STEAP4: variants seen among roughly 807,000 people sequenced by gnomAD.
The protein encoded by STEAP4 is STEAP4 metalloreductase, also known as metalloreductase STEAP4.
In STEAP4, 36 loss-of-function variants were observed where a neutral mutation model predicts 43.6. The observed-to-expected ratio is 0.83, with a 90% CI of 0.63 to 1.09. The LOEUF (loss-of-function observed/expected upper bound fraction) is 1.09, where lower values mean the gene tolerates loss of function less well. Among genes scored for constraint, STEAP4 ranks in the 50% least tolerant of loss-of-function variants. STEAP4 has a pLI of 0.00. For synonymous variants in STEAP4, 191 were observed against 196.7 expected (o/e 0.97, Z 0.24); for missense variants, 495 against 546.5 (o/e 0.91, Z 0.94).
chr7:88,283,313 T>C, intron 2 of STEAP4, 145 bp from the exon 3 acceptor site: 5 of 886,886 alleles, frequency 5.6e-6, no homozygotes, highest in Non-Finnish European at 8.1e-6. Context: ...TTAACATATG[T>C]AACAAGATGT....
chr7:88,279,734 C>T (rs1586742348), intron 4 of STEAP4, 106 bp from the exon 5 acceptor site: 4 of 934,688 alleles, frequency 4.3e-6, no homozygotes, highest in Non-Finnish European at 6.4e-6. Flanking sequence ...ACATTTGAGA[C>T]CTATAATGTT....
In STEAP4 at chr7:88,281,097, C is replaced by G; in HGVS notation, c.985-18G>C. ...AGTATTGCCTAAGAAAAATTATAAG[C>G]AATTACAAAACTACATTTTTACAAA... On this transcript the variant is annotated intron_variant, in intron 3 of 4. Coordinates refer to ENST00000380079, the MANE Select transcript of STEAP4 (RefSeq NM_024636.4). 1.3e-6 allele frequency: 2 copies of G among 1,527,038 alleles called. No homozygotes were observed. Among genetic ancestry groups the G allele is most frequent in the Non-Finnish European group, 1.8e-6 (2 of 1,140,112 alleles). 94.6% of individuals were successfully genotyped at this position (1,527,038 alleles called of 1,614,324 possible).
At chr7:88,297,717 G>C (rs925800017) in intron 1 of STEAP4, among the ~76,000 whole-genome samples, 2 of 152,020 alleles carry the variant, frequency 1.3e-5, no homozygotes, top group Admixed American at 6.6e-5. Context: ...TTCCAGGCAG[G>C]GGGGAAAGTG....
chr7:88,305,646 A>T (rs75031105), intron 1 of STEAP4, among the ~76,000 whole-genome samples: 3,052 of 152,316 alleles, frequency 0.02, 62 homozygotes, highest in South Asian at 0.062. Context: ...TTCCCCCGAC[A>T]ACTGGAGAGT....
intron 1 of STEAP4, among the ~76,000 whole-genome samples, chr7:88,290,603 A>AC (rs1852819201): frequency 6.6e-6 from 1 of 152,196 alleles, no homozygotes; most frequent in African/African-American, 2.4e-5. Flanking sequence ...CTTTCAAAAA[A>AC]ATTTCTAAGT....
At chr7:88,303,554 G>A (rs1351404567) in intron 1 of STEAP4, among the ~76,000 whole-genome samples, 1 of 150,964 alleles carries the variant, frequency 6.6e-6, no homozygotes, top group South Asian at 2.1e-4. Flanking sequence ...GACTGCCAAA[G>A]TACAGTACAG....
At chr7:88,293,287 T>G (rs1279419276) in intron 1 of STEAP4, among the ~76,000 whole-genome samples, 1 of 152,204 alleles carries the variant, frequency 6.6e-6, no homozygotes, top group Non-Finnish European at 1.5e-5. Context: ...GTATTTTGCT[T>G]ATTTTCTAAT....
intron 1 of STEAP4, among the ~76,000 whole-genome samples, chr7:88,285,579 G>A (rs1461440966): frequency 1.3e-5 from 2 of 151,812 alleles, no homozygotes; most frequent in Admixed American, 1.3e-4. Context: ...ACTTTGGGAG[G>A]CCAAGGCAGG....
chr7:88,297,851 A>C (rs1180378950), intron 1 of STEAP4, among the ~76,000 whole-genome samples: 1 of 152,208 alleles, frequency 6.6e-6, no homozygotes, highest in South Asian at 2.1e-4. Flanking sequence ...ATTGTGACAG[A>C]AATGCAGTTT....
intron 1 of STEAP4, among the ~76,000 whole-genome samples, chr7:88,296,134 C>T (rs1339545311): frequency 1.3e-5 from 2 of 152,154 alleles, no homozygotes; most frequent in East Asian, 3.8e-4. Flanking sequence ...ATAATTTGAT[C>T]AGATCTACTT....
intron 1 of STEAP4, among the ~76,000 whole-genome samples, chr7:88,293,288 A>G (rs1480750916): frequency 6.6e-6 from 1 of 151,600 alleles, no homozygotes; most frequent in Non-Finnish European, 1.5e-5. Flanking sequence ...TATTTTGCTT[A>G]TTTTCTAATT....
rs752528200 is a variant in STEAP4, at chr7:88,280,992, G to GA, written c.1071dup (p.Leu358SerfsTer14). On this transcript the variant is annotated frameshift_variant, in exon 4 of 5. Coordinates refer to ENST00000380079, the MANE Select transcript of STEAP4 (RefSeq NM_024636.4). LOFTEE classifies it high-confidence loss of function. The stretch of plus-strand genomic sequence containing the variant: ...GAAGTGATTCCCAAGAGTACAAACA[G>GA]AAAAAACCCAAGTATTCCCAAAGCC... 3.1e-6 allele frequency: 5 copies of GA among 1,613,226 alleles called. No homozygotes were observed. The highest frequency in any genetic ancestry group is 4.2e-6 in the Non-Finnish European group (5 of 1,179,688).
In STEAP4 at chr7:88,277,947, T is replaced by C. The variant is rs956475100; in HGVS notation, c.*1451A>G. ...GAAAAAGGATGTAAAATTGAATATA[T>C]AGATACAATTATTTTTAAAAAGTTT... On this transcript the variant is annotated 3_prime_UTR_variant, in exon 5 of 5. Coordinates refer to ENST00000380079, the MANE Select transcript of STEAP4 (RefSeq NM_024636.4). 2.0e-5 allele frequency: 3 copies of C among 151,976 alleles called. No individual in the cohort carries two copies. Among genetic ancestry groups the C allele is most frequent in the Non-Finnish European group, 4.4e-5 (3 of 67,984 alleles). 9.4% of individuals were successfully genotyped at this position (151,976 alleles called of 1,614,324 possible). A position where few individuals can be genotyped will look rare whatever the true frequency, so the allele number is the denominator to read the frequency against.
In STEAP4 at chr7:88,281,009, C is replaced by T. The variant is rs1365423503; in HGVS notation, c.1055G>A (p.Gly352Glu). Residue 352 changes from glycine (G) to glutamate (E), a missense_variant, in exon 4 of 5, where the codon GGA becomes GAA. Coordinates refer to ENST00000380079, the MANE Select transcript of STEAP4 (RefSeq NM_024636.4). ...AWLSDSYVAL[G>E]ILGFFLFVLL... ...TACAAACAGAAAAAACCCAAGTATT[C>T]CCAAAGCCACATATGAATCACTGAG... is the stretch of plus-strand genomic sequence containing the variant. 1 of 1,613,254 alleles carries T rather than the reference C, an allele frequency of 6.2e-7. No individual in the cohort carries two copies. Among genetic ancestry groups the T allele is most frequent in the Non-Finnish European group, 8.5e-7 (1 of 1,179,686 alleles).
rs1253333564 is a variant in STEAP4, at chr7:88,284,178, C to T, written c.92G>A (p.Gly31Glu). ...GAGCATTTTCAATCCCAGTGATCTTCCAAAATCACCAGTTCCAAAAATACA... is the reference window on the plus strand; with the variant it reads ...GAGCATTTTCAATCCCAGTGATCTTTCAAAATCACCAGTTCCAAAAATACA... ...TVCIFGTGDF[G>E]RSLGLKMLQC... The change falls in exon 2 of 5, where the codon GGA becomes GAA. Residue 31 changes from glycine to glutamate, a missense_variant. Physicochemically the swap from Gly to Glu is moderately conservative, Grantham distance 98. Transcript: ENST00000380079. 2 of 1,613,926 alleles carry T rather than the reference C, an allele frequency of 1.2e-6. No homozygotes were observed. Among genetic ancestry groups the T allele is most frequent in the Non-Finnish European group, 8.5e-7 (1 of 1,180,008 alleles).
intron 1 of STEAP4, among the ~76,000 whole-genome samples, chr7:88,292,012 G>A (rs1248410666): frequency 2.6e-5 from 4 of 152,186 alleles, no homozygotes; most frequent in Non-Finnish European, 4.4e-5. Context: ...TTAGCAATCA[G>A]TGACGCAGAT....
intron 1 of STEAP4, among the ~76,000 whole-genome samples, chr7:88,295,675 T>C (rs968660369): frequency 1.3e-5 from 2 of 152,210 alleles, no homozygotes; most frequent in African/African-American, 4.8e-5. Context: ...CCTGAGATTC[T>C]GAATCAATTG....
chr7:88,294,380 A>G (rs998947076), intron 1 of STEAP4, among the ~76,000 whole-genome samples: 2 of 152,074 alleles, frequency 1.3e-5, no homozygotes, highest in African/African-American at 2.4e-5. Context: ...CATTATGTAT[A>G]TGCAAGTAAC....
rs1163750251 is a variant in STEAP4, at chr7:88,273,917, A to G, written c.*5481T>C. 6.6e-6 allele frequency: 1 copy of G among 152,236 alleles called. No individual in the cohort carries two copies. Among genetic ancestry groups the G allele is most frequent in the Non-Finnish European group, 1.5e-5 (1 of 68,032 alleles). The allele number at this position is 152,236 out of a possible 1,614,324, so 9.4% of individuals were successfully genotyped here. ...AAATCAGCATAGATAAACCTGGAGTATTGAGGACTGGGCAATCAGGAATAT... is the reference window on the plus strand; with the variant it reads ...AAATCAGCATAGATAAACCTGGAGTGTTGAGGACTGGGCAATCAGGAATAT... On this transcript the variant is annotated 3_prime_UTR_variant, in exon 5 of 5. Transcript: ENST00000380079.
Sources: allele counts gnomAD v4.1 joint callset (sites outside exome capture counted in the v4.1 genomes callset), GRCh38; gene constraint gnomAD v4.1.1; transcripts MANE v1.5; gene names NCBI Gene and HGNC (gene_info 2026-07-23, HGNC 2026-07-21).